Variants in HYAL4 observed in about 807,000 individuals in gnomAD.
HYAL4 encodes hyaluronidase 4, also known as hyaluronidase-4.
Under a neutral mutation model 35.2 loss-of-function variants are expected in HYAL4, and 37 were observed. That is an observed-to-expected ratio of 1.05 (90% CI 0.81 to 1.38). The LOEUF (loss-of-function observed/expected upper bound fraction) is 1.38, where lower values mean the gene tolerates loss of function less well. Among genes scored for constraint, HYAL4 ranks in the 40% most tolerant of loss-of-function variants. HYAL4 has a pLI of 0.00. For missense variants in HYAL4, 572 were observed against 572.4 expected (o/e 1.00, Z 0.01); for synonymous variants, 198 against 203.2 (o/e 0.97, Z 0.22).
At position 123,876,252 on chromosome 7, in the gene HYAL4, A is replaced by G. The variant is rs12539582; in HGVS notation, c.1045-502A>G. Among the ~76,000 whole-genome samples, 1,259 of 152,330 alleles carry G rather than the reference A, an allele frequency of 8.3e-3. 25 individuals carry two copies. The highest frequency in any genetic ancestry group is 0.029 in the African/African-American group (1,190 of 41,570). On this transcript the variant is annotated intron_variant, in intron 4 of 4. Transcript: ENST00000223026. Reference sequence around the variant, plus strand: ...CCAGAAGGCTATAATACTTGGTAGAATGGTGGCATAAGATGATTTGACAAT... The same window carrying G: ...CCAGAAGGCTATAATACTTGGTAGAGTGGTGGCATAAGATGATTTGACAAT...
chr7:123,867,375 G>A (rs1289837334), intron 2 of HYAL4, among the ~76,000 whole-genome samples: 7 of 152,216 alleles, frequency 4.6e-5, no homozygotes, highest in Non-Finnish European at 1.0e-4. Flanking sequence ...CAACAGGCAA[G>A]TGGTCAGTTA....
At chr7:123,767,197 G>A in the HYAL4 span, among the ~76,000 whole-genome samples, 5 of 152,128 alleles carry the variant, frequency 3.3e-5, no homozygotes, top group African/African-American at 1.2e-4. Flanking sequence ...ATTTGGTTCT[G>A]ATTTTTCTAT....
intron 1 of HYAL4, among the ~76,000 whole-genome samples, chr7:123,830,065 G>A (rs142855735): frequency 2.0e-5 from 3 of 152,266 alleles, no homozygotes; most frequent in African/African-American, 4.8e-5. Flanking sequence ...GAAGCAAATC[G>A]CTGTTTGCAC....
At chr7:123,839,032 A>C (rs570224613) in intron 1 of HYAL4, among the ~76,000 whole-genome samples, 2 of 152,152 alleles carry the variant, frequency 1.3e-5, no homozygotes, top group East Asian at 3.9e-4. Flanking sequence ...ACCTGTGCAC[A>C]ACGTGCAGGT....
At chr7:123,809,822 C>T in the HYAL4 span, among the ~76,000 whole-genome samples, 1 of 152,172 alleles carries the variant, frequency 6.6e-6, no homozygotes. Flanking sequence ...TCACCTGTCA[C>T]ATCCCACTGG....
At chr7:123,816,509 A>G in the HYAL4 span, among the ~76,000 whole-genome samples, 8 of 152,242 alleles carry the variant, frequency 5.3e-5, no homozygotes, top group Non-Finnish European at 1.2e-4. Context: ...TAATTCATGC[A>G]GTCAAAGAGT....
Position 123,868,629 on chromosome 7 carries a change from A to C in HYAL4, c.356A>C (p.Gln119Pro), listed in dbSNP as rs534202242. 17 of 1,614,190 alleles carry C rather than the reference A, an allele frequency of 1.1e-5. No individual in the cohort carries two copies. The East Asian group carries it at 3.8e-4, about 36-fold the overall frequency. The change falls in exon 3 of 5, where the codon CAA (glutamine) becomes CCA (proline). Residue 119 changes from glutamine to proline, a missense_variant. Gln to Pro is a moderately conservative substitution (Grantham distance 76). Transcript: ENST00000223026. ...GGTCTCCCACAGAACATAAGTTTAC[A>C]AGTACATCTGGAAAAAGCTGACCAA... ...NGGLPQNISL[Q>P]VHLEKADQDI...
chr7:123,781,873 T>G, the HYAL4 span, among the ~76,000 whole-genome samples: 2 of 152,154 alleles, frequency 1.3e-5, no homozygotes, highest in African/African-American at 4.8e-5. Context: ...AGTGCTAGTC[T>G]AGAACCTGGG....
At chr7:123,776,273 G>C in the HYAL4 span, among the ~76,000 whole-genome samples, 1 of 152,118 alleles carries the variant, frequency 6.6e-6, no homozygotes, top group Non-Finnish European at 1.5e-5. Context: ...CTGGCTGCAG[G>C]AAGTCTGAGG....
intron 2 of HYAL4, among the ~76,000 whole-genome samples, chr7:123,864,865 A>T (rs544184225): frequency 6.6e-6 from 1 of 151,638 alleles, no homozygotes; most frequent in Non-Finnish European, 1.5e-5. Context: ...CTGTATAGGA[A>T]GCAGAAACCT....
At chr7:123,833,812 A>G (rs948068319) in intron 1 of HYAL4, among the ~76,000 whole-genome samples, 1 of 152,062 alleles carries the variant, frequency 6.6e-6, no homozygotes, top group Non-Finnish European at 1.5e-5. Context: ...TGACTTGCCA[A>G]TTATCCCAGC....
At chr7:123,775,480 T>C in the HYAL4 span, among the ~76,000 whole-genome samples, 1 of 152,068 alleles carries the variant, frequency 6.6e-6, no homozygotes, top group Admixed American at 6.6e-5. Flanking sequence ...GAGTTCCTAT[T>C]TTATATTCCA....
intron 1 of HYAL4, among the ~76,000 whole-genome samples, chr7:123,831,039 A>G (rs1395026019): frequency 3.3e-5 from 5 of 152,162 alleles, no homozygotes; most frequent in African/African-American, 9.7e-5. Flanking sequence ...CAAAACTCAC[A>G]TTGAAATTTG....
the HYAL4 span, among the ~76,000 whole-genome samples, chr7:123,806,743 C>A: frequency 6.6e-6 from 1 of 152,038 alleles, no homozygotes; most frequent in Non-Finnish European, 1.5e-5. Context: ...TGAGCCACCA[C>A]GCCCGGCCCT....
At chr7:123,802,455 T>C in the HYAL4 span, among the ~76,000 whole-genome samples, 3 of 152,240 alleles carry the variant, frequency 2.0e-5, no homozygotes, top group Admixed American at 1.3e-4. Flanking sequence ...ATGGAACTTA[T>C]GCCTTTTGGC....
At chr7:123,860,220 A>C (rs1040921685) in intron 2 of HYAL4, among the ~76,000 whole-genome samples, 2 of 152,106 alleles carry the variant, frequency 1.3e-5, no homozygotes, top group African/African-American at 4.8e-5. Context: ...AAGTTTCCTG[A>C]GGCTTCCCCT....
intron 2 of HYAL4, among the ~76,000 whole-genome samples, chr7:123,856,988 G>A (rs768650281): frequency 1.3e-5 from 2 of 152,100 alleles, no homozygotes; most frequent in Non-Finnish European, 1.5e-5. Context: ...TACACTTTGA[G>A]GGGAAAACCG....
chr7:123,826,421 G>A (rs1318692698), upstream of HYAL4, among the ~76,000 whole-genome samples: 2 of 152,108 alleles, frequency 1.3e-5, no homozygotes, highest in African/African-American at 4.8e-5. Context: ...TGGGAGTCCA[G>A]GTGAAAGCCA....
chr7:123,789,458 G>A, the HYAL4 span, among the ~76,000 whole-genome samples: 1 of 152,082 alleles, frequency 6.6e-6, no homozygotes, highest in Non-Finnish European at 1.5e-5. Context: ...ACCAGGAGAG[G>A]CAAATCAACT....
Sources: gnomAD v4.1 joint callset for allele counts (sites outside exome capture counted in the v4.1 genomes callset) on GRCh38, gnomAD v4.1.1 for gene constraint, MANE v1.5 for transcripts, NCBI Gene and HGNC (gene_info 2026-07-23, HGNC 2026-07-21) for gene names.